EFCAB11: variants seen among roughly 807,000 people sequenced by gnomAD.
EFCAB11 encodes the protein EF-hand calcium-binding domain-containing protein 11.
In EFCAB11, 14 loss-of-function variants were observed where a neutral mutation model predicts 23.0. The ratio of observed to expected loss-of-function variants is 0.61; its 90% CI spans 0.40 to 0.95. EFCAB11 has a LOEUF of 0.95. Ranked by LOEUF, EFCAB11 falls within the 40% of genes least tolerant of loss-of-function variation. The pLI is 0.00. For synonymous variants in EFCAB11, 65 were observed against 66.6 expected, an observed-to-expected ratio of 0.98 and a Z score of 0.11; for missense variants, 198 against 195.8, an observed-to-expected ratio of 1.01 and a Z score of -0.07.
At chr14:89,926,195 A>G (rs1443649859) in intron 5 of EFCAB11, among the ~76,000 whole-genome samples, 3 of 152,244 alleles carry the variant, frequency 2.0e-5, no homozygotes, top group Non-Finnish European at 2.9e-5. Context: ...ATCTTTAGAC[A>G]TAACAAATGA....
chr14:89,822,640 A>C (rs1245735003), intron 5 of EFCAB11, among the ~76,000 whole-genome samples: 1 of 152,212 alleles, frequency 6.6e-6, no homozygotes, highest in Non-Finnish European at 1.5e-5. Flanking sequence ...ATGGACACAC[A>C]GAGTGTGAGA....
intron 5 of EFCAB11, among the ~76,000 whole-genome samples, chr14:89,821,220 G>A (rs1886506734): frequency 6.6e-6 from 1 of 151,850 alleles, no homozygotes; most frequent in Admixed American, 6.5e-5. Flanking sequence ...CATAATGTAA[G>A]TGGACTCATT....
intron 5 of EFCAB11, among the ~76,000 whole-genome samples, chr14:89,848,159 A>G (rs1382173099): frequency 6.6e-6 from 1 of 152,168 alleles, no homozygotes; most frequent in Admixed American, 6.5e-5. Flanking sequence ...CTGTAAGTTA[A>G]ATATTAGTGA....
rs376083323 is a variant in EFCAB11, at chr14:89,824,406, G to A, written c.411-27082C>T. ...TCCTTAGGCTTATGGAAAATAATAC[G>A]AAATGGAAAACTGGATCTACAAAAG... On this transcript the variant is annotated intron_variant, in intron 5 of 5. Coordinates refer to ENST00000316738, the MANE Select transcript of EFCAB11 (RefSeq NM_145231.4). 4.6e-5 allele frequency among the ~76,000 whole-genome samples: 7 copies of A among 152,054 alleles called. No individual in the cohort carries two copies. The East Asian group carries it at 9.6e-4, about 21-fold the overall frequency.
chr14:89,884,972 C>T (rs2140180117), intron 5 of EFCAB11, among the ~76,000 whole-genome samples: 1 of 152,324 alleles, frequency 6.6e-6, no homozygotes, highest in Non-Finnish European at 1.5e-5. Context: ...CAGAACCAGA[C>T]CATGCTGGCA....
At chr14:89,898,666 CTTTT>C (rs36098790) in intron 5 of EFCAB11, among the ~76,000 whole-genome samples, 3 of 121,054 alleles carry the variant, frequency 2.5e-5, no homozygotes, top group Non-Finnish European at 3.4e-5. Flanking sequence ...CGCCTGGCCT[CTTTT>C]TTTTTTTTTT....
chr14:89,891,144 C>T (rs966839361), intron 5 of EFCAB11, among the ~76,000 whole-genome samples: 89 of 152,196 alleles, frequency 5.8e-4, no homozygotes, highest in African/African-American at 2.1e-3. Context: ...ACATAAACCA[C>T]TCTGATTTCA....
At chr14:89,857,056 C>T (rs1273302575) in intron 5 of EFCAB11, among the ~76,000 whole-genome samples, 1 of 152,226 alleles carries the variant, frequency 6.6e-6, no homozygotes, top group Non-Finnish European at 1.5e-5. Context: ...TGCATGTGAA[C>T]TGAAGCAGAA....
intron 5 of EFCAB11, among the ~76,000 whole-genome samples, chr14:89,834,008 T>C (rs1207667022): frequency 6.6e-6 from 1 of 152,254 alleles, no homozygotes; most frequent in African/African-American, 2.4e-5. Context: ...CTCAGTGGAC[T>C]CCAGTTGCAA....
At chr14:89,900,981 C>A (rs1027458236) in intron 5 of EFCAB11, among the ~76,000 whole-genome samples, 1 of 152,092 alleles carries the variant, frequency 6.6e-6, no homozygotes, top group East Asian at 1.9e-4. Context: ...GGTATGAAGA[C>A]ACGGGGAAAG....
intron 5 of EFCAB11, among the ~76,000 whole-genome samples, chr14:89,826,197 T>C (rs558511466): frequency 3.3e-5 from 5 of 152,158 alleles, no homozygotes; most frequent in Non-Finnish European, 7.3e-5. Context: ...TATATATATA[T>C]AGTGGCAAGT....
chr14:89,859,727 T>C (rs1367848200), intron 5 of EFCAB11, among the ~76,000 whole-genome samples: 1 of 152,050 alleles, frequency 6.6e-6, no homozygotes, highest in Non-Finnish European at 1.5e-5. Flanking sequence ...GTAAGAGAGT[T>C]GGGCACATGA....
intron 5 of EFCAB11, among the ~76,000 whole-genome samples, chr14:89,816,389 T>C (rs1166102095): frequency 6.6e-6 from 1 of 152,282 alleles, no homozygotes; most frequent in Admixed American, 6.5e-5. Context: ...AAAAAGAAAG[T>C]CTTTGAAACA....
chr14:89,928,893 T>C (rs1359472561), intron 5 of EFCAB11, among the ~76,000 whole-genome samples: 2 of 147,560 alleles, frequency 1.4e-5, no homozygotes, highest in East Asian at 1.9e-4. Flanking sequence ...TATACAATTA[T>C]ATACATTTAT....
chr14:89,825,874 C>T (rs1017060496), intron 5 of EFCAB11, among the ~76,000 whole-genome samples: 1 of 152,088 alleles, frequency 6.6e-6, no homozygotes, highest in Non-Finnish European at 1.5e-5. Context: ...TGTATGCTTG[C>T]AATGTTTTAT....
At chr14:89,810,681 G>A (rs1194229788) in intron 5 of EFCAB11, among the ~76,000 whole-genome samples, 6 of 148,810 alleles carry the variant, frequency 4.0e-5, no homozygotes, top group Non-Finnish European at 4.4e-5. Flanking sequence ...ACTTGAACTC[G>A]ACAGGCAAAG....
intron 5 of EFCAB11, among the ~76,000 whole-genome samples, chr14:89,867,895 A>G (rs1399971349): frequency 6.6e-6 from 1 of 152,202 alleles, no homozygotes; most frequent in East Asian, 1.9e-4. Context: ...GCACCCAGAA[A>G]GGCAGAAGAA....
chr14:89,843,499 G>C (rs1887335944), intron 5 of EFCAB11, among the ~76,000 whole-genome samples: 1 of 152,040 alleles, frequency 6.6e-6, no homozygotes, highest in Non-Finnish European at 1.5e-5. Flanking sequence ...AGAAAAATAT[G>C]GCCTCACATA....
intron 5 of EFCAB11, among the ~76,000 whole-genome samples, chr14:89,898,640 C>T (rs1373839294): frequency 2.7e-5 from 4 of 148,080 alleles, no homozygotes; most frequent in Non-Finnish European, 5.9e-5. Context: ...GCTGGGATTA[C>T]AGATGTGAGC....
Sources: gnomAD v4.1 joint callset for allele counts (sites outside exome capture counted in the v4.1 genomes callset) on GRCh38, gnomAD v4.1.1 for gene constraint, MANE v1.5 for transcripts, NCBI Gene and HGNC (gene_info 2026-07-23, HGNC 2026-07-21) for gene names.